DTNA: variants seen among roughly 807,000 people sequenced by gnomAD.
DTNA encodes the protein dystrophin-related protein 3.
In DTNA, 43 loss-of-function variants were observed where a neutral mutation model predicts 100.7. That is an observed-to-expected ratio of 0.43 (90% CI 0.33 to 0.55). The LOEUF is 0.55. Among genes scored for constraint, DTNA ranks in the 20% least tolerant of loss-of-function variants. The pLI is 0.04. For missense variants in DTNA, 798 were observed against 953.9 expected, an observed-to-expected ratio of 0.84 and a Z score of 2.15; for synonymous variants, 349 against 347.9, an observed-to-expected ratio of 1.00 and a Z score of -0.04.
At chr18:34,813,400 C>T (rs369345054) in intron 6 of DTNA, among the ~76,000 whole-genome samples, 7 of 150,248 alleles carry the variant, frequency 4.7e-5, no homozygotes, top group African/African-American at 7.4e-5. Flanking sequence ...GCCCGGATGG[C>T]GCCACTGCAT....
At chr18:34,883,313 T>A (rs650677) in intron 21 of DTNA, among the ~76,000 whole-genome samples, 47,250 of 148,650 alleles carry the variant, frequency 0.32, 9,143 homozygotes, top group African/African-American at 0.55. Flanking sequence ...TCTTTTTTCC[T>A]TTTTTTTTTT....
chr18:34,868,860 T>C (rs2096735830), intron 17 of DTNA: 1 of 814,550 alleles, frequency 1.2e-6, no homozygotes. Flanking sequence ...TTAAGATTTA[T>C]TGAAGGAACC....
intron 1 of DTNA, among the ~76,000 whole-genome samples, chr18:34,642,837 G>A (rs1369364015): frequency 2.0e-5 from 3 of 152,054 alleles, no homozygotes; most frequent in African/African-American, 2.4e-5. Context: ...GATTACAGGC[G>A]TGAGCCACCG....
chr18:34,844,799 G>A (rs529806567), intron 13 of DTNA, among the ~76,000 whole-genome samples: 1 of 152,232 alleles, frequency 6.6e-6, no homozygotes, highest in East Asian at 1.9e-4. Context: ...AAAAGAATGT[G>A]AACAAACCGT....
At chr18:34,718,142 C>G (rs2084439468) in intron 1 of DTNA, among the ~76,000 whole-genome samples, 1 of 152,088 alleles carries the variant, frequency 6.6e-6, no homozygotes. Flanking sequence ...GGAAACTGAG[C>G]GTATCTTACA....
intron 3 of DTNA, 32 bp from the exon 4 acceptor site, chr18:34,794,005 G>T: frequency 1.2e-6 from 2 of 1,605,564 alleles, no homozygotes; most frequent in South Asian, 2.2e-5. Flanking sequence ...CCATTACTTT[G>T]GGCTGATGTG....
At chr18:34,624,449 A>C (rs535348678) in intron 1 of DTNA, among the ~76,000 whole-genome samples, 1 of 152,314 alleles carries the variant, frequency 6.6e-6, no homozygotes, top group East Asian at 1.9e-4. Flanking sequence ...CAACTCACTA[A>C]CTTACATTTA....
chr18:34,519,957 A>G (rs985569178), intron 1 of DTNA, among the ~76,000 whole-genome samples: 5 of 152,184 alleles, frequency 3.3e-5, no homozygotes, highest in Non-Finnish European at 7.3e-5. Flanking sequence ...CATAGTACCT[A>G]TAACTCACAT....
intron 20 of DTNA, among the ~76,000 whole-genome samples, chr18:34,879,952 A>G (rs1035495257): frequency 6.6e-6 from 1 of 152,150 alleles, no homozygotes; most frequent in African/African-American, 2.4e-5. Context: ...AGTGCCTATC[A>G]AGAGCCTGCC....
chr18:34,796,189 G>A lies in DTNA; in HGVS notation c.362+1939G>A, dbSNP rs541761574. ...GATCCTACTCTGCAGACACTTCTGC[G>A]TTTGCTCCTTCAGCGTAGCAAATGA... On this transcript the variant is annotated intron_variant, in intron 4 of 22. Coordinates refer to ENST00000444659, the MANE Select transcript of DTNA (RefSeq NM_001386795.1). Among the ~76,000 whole-genome samples the A allele has an allele frequency of 5.9e-5, 9 of 152,296 alleles. No homozygotes were observed. In the South Asian group the frequency reaches 1.9e-3, roughly 32 times the overall value.
At chr18:34,517,264 T>C (rs1020396525) in intron 1 of DTNA, among the ~76,000 whole-genome samples, 1 of 152,190 alleles carries the variant, frequency 6.6e-6, no homozygotes, top group African/African-American at 2.4e-5. Context: ...AAATGCCTTC[T>C]GTGTTTAAAA....
In DTNA at chr18:34,780,795, A is replaced by G. The variant is rs192472188; in HGVS notation, c.149-13242A>G. On this transcript the variant is annotated intron_variant, in intron 3 of 22. Coordinates refer to ENST00000444659, the MANE Select transcript of DTNA (RefSeq NM_001386795.1). ...AGCAGCTCACTGGGATAGTGAACCC[A>G]GAACAAACTGAAACCAGGAAGGGAG... Among the ~76,000 whole-genome samples, 4 of 152,318 alleles carry G rather than the reference A, an allele frequency of 2.6e-5. 1 individual carries two copies. The highest frequency in any genetic ancestry group is 2.6e-4 in the Admixed American group (4 of 15,294).
intron 1 of DTNA, chr18:34,683,343 G>A (rs1307497724): frequency 6.6e-6 from 1 of 152,186 alleles, no homozygotes; most frequent in Non-Finnish European, 1.5e-5. Context: ...TCATTCTAAA[G>A]AGATTCCTTG....
chr18:34,869,327 C>T (rs955721943), intron 17 of DTNA, among the ~76,000 whole-genome samples: 2 of 152,300 alleles, frequency 1.3e-5, no homozygotes, highest in East Asian at 3.9e-4. Context: ...CACACACACA[C>T]ACATTCACTT....
intron 6 of DTNA, among the ~76,000 whole-genome samples, chr18:34,814,015 T>TGCAACACAGGG (rs2095543598): frequency 6.6e-6 from 1 of 152,194 alleles, no homozygotes; most frequent in Non-Finnish European, 1.5e-5. Flanking sequence ...GCAACAACCC[T>TGCAACACAGGG]GTGACCTAAC....
intron 1 of DTNA, among the ~76,000 whole-genome samples, chr18:34,521,443 A>G (rs1189792445): frequency 6.6e-6 from 1 of 152,196 alleles, no homozygotes; most frequent in Non-Finnish European, 1.5e-5. Context: ...GCAAAAGTAT[A>G]AATCAGAGGT....
intron 1 of DTNA, among the ~76,000 whole-genome samples, chr18:34,505,651 AT>A (rs546370546): frequency 6.6e-6 from 1 of 151,212 alleles, no homozygotes; most frequent in Non-Finnish European, 1.5e-5. Context: ...TATTTTGGGT[AT>A]TTTTTTCAAT....
At chr18:34,753,361 AT>A (rs751756097) in intron 1 of DTNA, among the ~76,000 whole-genome samples, 6,926 of 95,852 alleles carry the variant, frequency 0.072, 326 homozygotes, top group African/African-American at 0.09. Context: ...TTATTTATTT[AT>A]TTTATTTTTT....
chr18:34,648,487 C>T (rs1303956890), intron 1 of DTNA, among the ~76,000 whole-genome samples: 1 of 152,032 alleles, frequency 6.6e-6, no homozygotes, highest in Non-Finnish European at 1.5e-5. Context: ...AGCAGATAGA[C>T]GGATTTGAAA....
Sources: gnomAD v4.1 joint callset for allele counts (sites outside exome capture counted in the v4.1 genomes callset) on GRCh38, gnomAD v4.1.1 for gene constraint, MANE v1.5 for transcripts, NCBI Gene and HGNC (gene_info 2026-07-23, HGNC 2026-07-21) for gene names.